The following TMEM135 variants were observed in gnomAD, a reference collection of about 807,000 sequenced individuals.
TMEM135 encodes transmembrane protein 135.
A neutral mutation model predicts 60.3 loss-of-function variants in TMEM135; 30 were observed. The ratio of observed to expected loss-of-function variants is 0.50; its 90% CI spans 0.37 to 0.68. TMEM135 has a LOEUF of 0.68. TMEM135 is among the 30% of genes least tolerant of loss of function. The probability of loss-of-function intolerance (pLI) is 0.00; values close to 1 mark genes in which losing one functional copy is unlikely to be tolerated. For missense variants in TMEM135, 468 were observed against 548.8 expected, an observed-to-expected ratio of 0.85 and a Z score of 1.47; for synonymous variants, 190 against 186.7, an observed-to-expected ratio of 1.02 and a Z score of -0.14.
intron 1 of TMEM135, among the ~76,000 whole-genome samples, chr11:87,049,784 A>G (rs1370308965): frequency 5.2e-5 from 5 of 97,022 alleles, no homozygotes. Flanking sequence ...AAGGATACCC[A>G]GGAATTGAAC....
At chr11:87,203,066 T>C (rs1009098201) in intron 5 of TMEM135, among the ~76,000 whole-genome samples, 1 of 146,834 alleles carries the variant, frequency 6.8e-6, no homozygotes, top group Non-Finnish European at 1.5e-5. Context: ...AAAGCAGTTT[T>C]AGTTTATGAG....
intron 5 of TMEM135, among the ~76,000 whole-genome samples, chr11:87,193,430 T>G (rs905997953): frequency 6.6e-6 from 1 of 152,226 alleles, no homozygotes; most frequent in Admixed American, 6.5e-5. Context: ...ATCTGCAAAA[T>G]TTTCAGGTTC....
In TMEM135 at chr11:87,116,825, G is replaced by C. The variant is rs536463173; in HGVS notation, c.396+25430G>C. The stretch of plus-strand genomic sequence containing the variant: ...GTAGTTTTATGTGCAAAGCATTATG[G>C]TTTGTTTTTTTTTTTGACATGAAAT... On this transcript the variant is annotated intron_variant, in intron 4 of 14. Coordinates refer to ENST00000305494, the MANE Select transcript of TMEM135 (RefSeq NM_022918.4). Among the ~76,000 whole-genome samples the C allele has an allele frequency of 2.6e-5, 4 of 151,048 alleles. No homozygotes were observed. In the East Asian group the frequency reaches 7.8e-4, roughly 29 times the overall value.
chr11:87,092,334 G>T (rs928197884), intron 4 of TMEM135, among the ~76,000 whole-genome samples: 10 of 152,174 alleles, frequency 6.6e-5, no homozygotes, highest in African/African-American at 2.2e-4. Context: ...TATTCTGGGT[G>T]TGTGCGGTTG....
chr11:87,302,231 CT>C (rs377223796), intron 7 of TMEM135, 64 bp from the exon 8 acceptor site: 1,996 of 1,307,752 alleles, frequency 1.5e-3, no homozygotes, highest in Admixed American at 1.9e-3. Context: ...TAAACAAAGT[CT>C]TTTTTTTTTC....
chr11:87,104,784 A>G (rs148138827), intron 4 of TMEM135, among the ~76,000 whole-genome samples: 2 of 152,276 alleles, frequency 1.3e-5, no homozygotes, highest in African/African-American at 2.4e-5. Flanking sequence ...CTGCAACCGT[A>G]CGGAATTTAT....
At chr11:87,276,773 A>G (rs1472266013) in intron 6 of TMEM135, among the ~76,000 whole-genome samples, 8 of 145,198 alleles carry the variant, frequency 5.5e-5, no homozygotes, top group Non-Finnish European at 8.9e-5. Context: ...GGTTCCAGTG[A>G]TTCTCCTGCC....
At position 87,304,226 on chromosome 11, in the gene TMEM135, C is replaced by G. The variant is rs116380850; in HGVS notation, c.699-1710C>G. 7.5e-3 allele frequency among the ~76,000 whole-genome samples: 1,141 copies of G among 152,176 alleles called. 13 individuals are homozygous for G. The highest frequency in any genetic ancestry group is 0.026 in the African/African-American group (1,078 of 41,508). The stretch of plus-strand genomic sequence containing the variant: ...CCTCTAAAAAAAATTTAAAAATTAG[C>G]TAGGATTGATGGCATGTGCCTGTAG... On this transcript the variant is annotated intron_variant, in intron 8 of 14. Transcript: ENST00000305494.
chr11:87,114,280 CA>C (rs1166455358), intron 4 of TMEM135, among the ~76,000 whole-genome samples: 5 of 152,050 alleles, frequency 3.3e-5, no homozygotes, highest in African/African-American at 4.8e-5. Flanking sequence ...AGCTATTCAG[CA>C]CATCTTGCAA....
chr11:87,273,734 G>T (rs78897740), intron 6 of TMEM135, among the ~76,000 whole-genome samples: 2,640 of 152,264 alleles, frequency 0.017, 37 homozygotes, highest in Middle Eastern at 0.027. Flanking sequence ...TTAGATAATT[G>T]ATATATTACT....
At chr11:87,106,324 G>A (rs907691931) in intron 4 of TMEM135, among the ~76,000 whole-genome samples, 4 of 151,950 alleles carry the variant, frequency 2.6e-5, no homozygotes, top group African/African-American at 7.3e-5. Context: ...GGCTGGTCTC[G>A]AACTCCTGAC....
intron 5 of TMEM135, among the ~76,000 whole-genome samples, chr11:87,168,084 A>G (rs1010711476): frequency 6.6e-6 from 1 of 152,132 alleles, no homozygotes; most frequent in Non-Finnish European, 1.5e-5. Flanking sequence ...TAGATTTTCT[A>G]GTTTATTTGC....
Position 87,043,002 on chromosome 11 carries a change from CTGGAG to C in TMEM135, c.141+4819_141+4823del, listed in dbSNP as rs1949763817. Among the ~76,000 whole-genome samples the C allele has an allele frequency of 4.0e-5, 6 of 148,482 alleles. No homozygotes were observed. The South Asian group carries it at 1.3e-3, about 31-fold the overall frequency. ...CAGAGTTTCGCTCTTGTTGCTCAGG[CTGGAG>C]TGCAGTGGTGTGATCTCGGCTCACT... On this transcript the variant is annotated intron_variant, in intron 1 of 14. Transcript: ENST00000305494.
chr11:87,187,534 C>T (rs1227234359), intron 5 of TMEM135, among the ~76,000 whole-genome samples: 1 of 152,166 alleles, frequency 6.6e-6, no homozygotes, highest in African/African-American at 2.4e-5. Flanking sequence ...ATCCTCAAAC[C>T]ACACTCTCTT....
intron 5 of TMEM135, among the ~76,000 whole-genome samples, chr11:87,180,959 GAA>G (rs1236187801): frequency 1.3e-5 from 2 of 152,126 alleles, no homozygotes; most frequent in African/African-American, 4.8e-5. Context: ...ACTGTTGTAG[GAA>G]AAACAGCAGC....
At chr11:87,041,558 G>T (rs1161660254) in intron 1 of TMEM135, among the ~76,000 whole-genome samples, 1 of 152,072 alleles carries the variant, frequency 6.6e-6, no homozygotes, top group Non-Finnish European at 1.5e-5. Context: ...TTACCGAATC[G>T]CATGGAGCCT....
intron 14 of TMEM135, 149 bp from the exon 15 acceptor site, chr11:87,321,052 A>G: frequency 1.6e-6 from 1 of 640,620 alleles, no homozygotes; most frequent in South Asian, 2.2e-5. Context: ...AAGAGCCTTC[A>G]TGTGACTTGA....
chr11:87,170,062 C>G (rs1160652705), intron 5 of TMEM135, among the ~76,000 whole-genome samples: 2 of 143,192 alleles, frequency 1.4e-5, no homozygotes, highest in Admixed American at 7.2e-5. Flanking sequence ...TATCCTTTTT[C>G]CACTTGATCA....
chr11:87,211,657 C>A (rs980075540), intron 5 of TMEM135, among the ~76,000 whole-genome samples: 3 of 152,138 alleles, frequency 2.0e-5, no homozygotes, highest in Admixed American at 6.6e-5. Context: ...CTCTTTTCTA[C>A]TGAGCCCTTA....
Sources: allele counts gnomAD v4.1 joint callset (sites outside exome capture counted in the v4.1 genomes callset), GRCh38; gene constraint gnomAD v4.1.1; transcripts MANE v1.5; gene names NCBI Gene and HGNC (gene_info 2026-07-23, HGNC 2026-07-21).